The following RBKS variants were observed in gnomAD, a reference collection of about 807,000 sequenced individuals.
The protein encoded by RBKS is ribokinase.
Under a neutral mutation model 33.9 loss-of-function variants are expected in RBKS, and 33 were observed. That is an observed-to-expected ratio of 0.97 (90% confidence interval 0.74 to 1.30). RBKS has a LOEUF of 1.30. Ranked by LOEUF, RBKS falls within the 50% of genes most tolerant of loss-of-function variation. The pLI, the probability that RBKS is intolerant of heterozygous loss-of-function variation, is 0.00. For synonymous variants in RBKS, 125 were observed against 143.0 expected (o/e 0.87, Z 0.90); for missense variants, 361 against 392.6 (o/e 0.92, Z 0.68).
rs1678110378 is a variant in RBKS at position 27,817,143 on chromosome 2, G to T, written c.795+10424C>A. 3.3e-5 allele frequency among the ~76,000 whole-genome samples: 5 copies of T among 152,230 alleles called. No individual in the cohort carries two copies. The South Asian group carries it at 1.0e-3, about 32-fold the overall frequency. On this transcript the variant is annotated intron_variant, in intron 7 of 7. Coordinates refer to ENST00000302188, the MANE Select transcript of RBKS (RefSeq NM_022128.3). ...CAGAACTCTTTTATTATTTGCAGAG[G>T]GCCTGTTATTATATGCCAAGCATTG...
chr2:27,827,484 CA>C (rs371385520), intron 7 of RBKS, 82 bp downstream of exon 7: 89 of 1,278,746 alleles, frequency 7.0e-5, no homozygotes, highest in East Asian at 6.4e-4. Flanking sequence ...TTTCATTATC[CA>C]AAAATTCAGG....
chr2:27,809,592 G>A (rs1404916595), intron 7 of RBKS: 1 of 194,396 alleles, frequency 5.1e-6, no homozygotes, highest in Non-Finnish European at 1.1e-5. Flanking sequence ...GCCTTTTGTG[G>A]TCAGCAATCC....
chr2:27,831,266 A>G (rs1399785794), intron 6 of RBKS, among the ~76,000 whole-genome samples: 1 of 148,430 alleles, frequency 6.7e-6, no homozygotes, highest in East Asian at 1.9e-4. Context: ...TCAGGGATAC[A>G]ACAGTGAATA....
chr2:27,844,730 A>G (rs1263767452), intron 4 of RBKS, among the ~76,000 whole-genome samples: 3 of 152,150 alleles, frequency 2.0e-5, no homozygotes, highest in African/African-American at 7.2e-5. Context: ...TGTAATGATA[A>G]TATTTTGGAC....
chr2:27,887,180 C>CT (rs1664551628), intron 1 of RBKS, among the ~76,000 whole-genome samples: 1 of 152,128 alleles, frequency 6.6e-6, no homozygotes, highest in Non-Finnish European at 1.5e-5. Context: ...GACTGGGGAT[C>CT]AGAGTGATGT....
At chr2:27,819,763 T>C (rs1678162469) in intron 7 of RBKS, among the ~76,000 whole-genome samples, 1 of 152,262 alleles carries the variant, frequency 6.6e-6, no homozygotes. Flanking sequence ...GAAGATCTGC[T>C]GTACATTTGA....
chr2:27,859,927 C>T (rs766459953), intron 1 of RBKS, among the ~76,000 whole-genome samples: 3 of 152,158 alleles, frequency 2.0e-5, no homozygotes, highest in Non-Finnish European at 2.9e-5. Flanking sequence ...TAAGAACACA[C>T]GATTGCTTCA....
At chr2:27,845,499 TAAGA>T (rs1663604884) in intron 4 of RBKS, among the ~76,000 whole-genome samples, 1 of 151,754 alleles carries the variant, frequency 6.6e-6, no homozygotes, top group Admixed American at 6.6e-5. Flanking sequence ...TGTTCATAGA[TAAGA>T]AAGAGAACTT....
At chr2:27,809,804 T>G (rs1033715264) in intron 7 of RBKS, 1 of 541,112 alleles carries the variant, frequency 1.8e-6, no homozygotes, top group African/African-American at 2.0e-5. Context: ...GCTACCAGAT[T>G]ATTAAACAGC....
In RBKS at chr2:27,844,364, A is replaced by G. The variant is rs1426281473; in HGVS notation, c.350-1133T>C. On this transcript the variant is annotated intron_variant, in intron 4 of 7. Transcript: ENST00000302188. The stretch of plus-strand genomic sequence containing the variant: ...TAGTACAAAGGAAATAAGGTAAAAT[A>G]TCCATTTATTCTTACCATTTTAAAA... Among the ~76,000 whole-genome samples the G allele has an allele frequency of 3.3e-5, 5 of 152,080 alleles. No individual in the cohort carries two copies. In the South Asian group the frequency reaches 1.0e-3, roughly 32 times the overall value.
chr2:27,788,330 G>A (rs1036081650), intron 7 of RBKS, among the ~76,000 whole-genome samples: 2 of 152,176 alleles, frequency 1.3e-5, no homozygotes, highest in Admixed American at 6.5e-5. Flanking sequence ...AATGACCTAC[G>A]TAGAAAATCC....
intron 7 of RBKS, chr2:27,782,632 T>G (rs1268622397): frequency 2.1e-6 from 1 of 466,916 alleles, no homozygotes; most frequent in South Asian, 1.6e-5. Flanking sequence ...CACATCATAT[T>G]AAGGGCACAT....
intron 5 of RBKS, among the ~76,000 whole-genome samples, chr2:27,835,276 CA>C (rs35739589): frequency 0.38 from 44,002 of 115,570 alleles, 7,988 homozygotes; most frequent in East Asian, 0.64. Context: ...AACTCTGTCT[CA>C]AAAAAAAAAA....
At chr2:27,830,424 C>T (rs900307994) in intron 6 of RBKS, among the ~76,000 whole-genome samples, 10 of 152,068 alleles carry the variant, frequency 6.6e-5, no homozygotes, top group African/African-American at 2.2e-4. Flanking sequence ...TGCCACCATG[C>T]CCAGCTAATT....
chr2:27,821,362 T>A (rs986627415), intron 7 of RBKS, among the ~76,000 whole-genome samples: 4 of 152,202 alleles, frequency 2.6e-5, no homozygotes, highest in Admixed American at 6.5e-5. Context: ...TAGTTGTAAT[T>A]ACACTATTTT....
chr2:27,791,745 C>T (rs1393808245), intron 7 of RBKS, among the ~76,000 whole-genome samples: 2 of 151,792 alleles, frequency 1.3e-5, no homozygotes, highest in African/African-American at 4.8e-5. Context: ...TGAACCCCAA[C>T]TAATATCAAT....
intron 7 of RBKS, among the ~76,000 whole-genome samples, chr2:27,782,186 T>C (rs1280742090): frequency 6.6e-6 from 1 of 151,910 alleles, no homozygotes; most frequent in Non-Finnish European, 1.5e-5. Context: ...TAAAGAGACA[T>C]GGTCTCGCTC....
intron 2 of RBKS, 138 bp downstream of exon 2, chr2:27,858,301 G>T: frequency 1.4e-6 from 1 of 708,554 alleles, no homozygotes; most frequent in Non-Finnish European, 2.2e-6. Flanking sequence ...GTGGTTGAAT[G>T]TATTAAATGC....
intron 1 of RBKS, chr2:27,870,919 T>C (rs768034347): frequency 2.2e-6 from 1 of 456,788 alleles, no homozygotes; most frequent in Admixed American, 2.3e-5. Flanking sequence ...AAAACAAGCA[T>C]TGTTGCCTTG....
Sources: allele counts gnomAD v4.1 joint callset (sites outside exome capture counted in the v4.1 genomes callset), GRCh38; gene constraint gnomAD v4.1.1; transcripts MANE v1.5; gene names NCBI Gene and HGNC (gene_info 2026-07-23, HGNC 2026-07-21).